Variants in CSNK2A2IP observed in about 807,000 individuals in gnomAD.
CSNK2A2IP encodes the protein casein kinase 2 subunit alpha' interacting protein.
the CSNK2A2IP span, among the ~76,000 whole-genome samples, chr3:88,432,754 A>G: frequency 6.6e-6 from 1 of 150,672 alleles, no homozygotes; most frequent in East Asian, 1.9e-4. Flanking sequence ...AAATGATATT[A>G]TATTATTATA....
chr3:88,439,938 T>C, the CSNK2A2IP span, among the ~76,000 whole-genome samples: 1 of 152,108 alleles, frequency 6.6e-6, no homozygotes, highest in Non-Finnish European at 1.5e-5. Flanking sequence ...TGAGATAGTT[T>C]TGAGAGAGAA....
At chr3:88,430,070 C>A in the CSNK2A2IP span, among the ~76,000 whole-genome samples, 2 of 152,042 alleles carry the variant, frequency 1.3e-5, no homozygotes, top group African/African-American at 4.8e-5. Flanking sequence ...CGAGTAGGAA[C>A]ATTTTTTAAG....
chr3:88,355,092 A>G, the CSNK2A2IP span, among the ~76,000 whole-genome samples: 1 of 152,292 alleles, frequency 6.6e-6, no homozygotes, highest in East Asian at 1.9e-4. Flanking sequence ...GTAAGATACT[A>G]TCTTAAGAGT....
chr3:88,466,248 T>C, the CSNK2A2IP span: 1 of 1,231,712 alleles, frequency 8.1e-7, no homozygotes, highest in Non-Finnish European at 1.0e-6. Context: ...CAGTGTCCCA[T>C]TCAAAAGCAA....
chr3:88,430,987 A>G, the CSNK2A2IP span, among the ~76,000 whole-genome samples: 5 of 152,334 alleles, frequency 3.3e-5, no homozygotes, highest in African/African-American at 9.6e-5. Context: ...ACTAAATGGC[A>G]GAAGATAATA....
chr3:88,418,466 G>A, the CSNK2A2IP span, among the ~76,000 whole-genome samples: 9 of 152,042 alleles, frequency 5.9e-5, no homozygotes, highest in South Asian at 1.7e-3. Flanking sequence ...GTGTGTGTGC[G>A]CGCGGGCGTG....
At chr3:88,400,977 TAGA>T in the CSNK2A2IP span, among the ~76,000 whole-genome samples, 3 of 152,156 alleles carry the variant, frequency 2.0e-5, no homozygotes, top group African/African-American at 7.2e-5. Context: ...AGGGTGTGTG[TAGA>T]AGAATAACAG....
At chr3:88,390,826 G>T in the CSNK2A2IP span, among the ~76,000 whole-genome samples, 1 of 152,262 alleles carries the variant, frequency 6.6e-6, no homozygotes, top group Admixed American at 6.5e-5. Flanking sequence ...TTTTGTTAGT[G>T]TTGCATATGT....
chr3:88,399,605 C>T, the CSNK2A2IP span: 11 of 152,212 alleles, frequency 7.2e-5, no homozygotes, highest in Admixed American at 3.9e-4. Flanking sequence ...AAAACTGATT[C>T]TTCCTGGCAG....
chr3:88,390,778 G>A, the CSNK2A2IP span, among the ~76,000 whole-genome samples: 1 of 152,044 alleles, frequency 6.6e-6, no homozygotes, highest in South Asian at 2.1e-4. Flanking sequence ...TTATTTTAAG[G>A]TCTTGGAAAA....
At chr3:88,466,040 A>G in the CSNK2A2IP span, 2 of 1,231,626 alleles carry the variant, frequency 1.6e-6, no homozygotes, top group South Asian at 4.1e-5. Flanking sequence ...TCATTGGACT[A>G]CCTTTGGACA....
chr3:88,376,704 C>T, the CSNK2A2IP span, among the ~76,000 whole-genome samples: 1 of 151,624 alleles, frequency 6.6e-6, no homozygotes, highest in Non-Finnish European at 1.5e-5. Context: ...CATAGTTTCC[C>T]TCATTCTTTT....
the CSNK2A2IP span, among the ~76,000 whole-genome samples, chr3:88,362,150 T>G: frequency 6.6e-6 from 1 of 152,218 alleles, no homozygotes; most frequent in South Asian, 2.1e-4. Context: ...TGGCTGTTCT[T>G]GGTGCTGGAC....
chr3:88,467,218 T>A, the CSNK2A2IP span: 1 of 400,832 alleles, frequency 2.5e-6, no homozygotes, highest in Admixed American at 4.4e-5. Context: ...TTCCTCCTCC[T>A]CCACCACCTC....
the CSNK2A2IP span, among the ~76,000 whole-genome samples, chr3:88,415,835 C>T: frequency 6.6e-6 from 1 of 151,990 alleles, no homozygotes; most frequent in Non-Finnish European, 1.5e-5. Flanking sequence ...TGAAGAGAAT[C>T]ATTTTGGCAG....
At chr3:88,347,916 C>G in the CSNK2A2IP span, among the ~76,000 whole-genome samples, 1 of 151,740 alleles carries the variant, frequency 6.6e-6, no homozygotes, top group Non-Finnish European at 1.5e-5. Flanking sequence ...TTTGCTTTTC[C>G]CTTTATTCTT....
the CSNK2A2IP span, among the ~76,000 whole-genome samples, chr3:88,407,067 A>C: frequency 2.6e-5 from 4 of 152,162 alleles, no homozygotes; most frequent in African/African-American, 9.7e-5. Flanking sequence ...CAAGTAGACC[A>C]CAAAGCAGAG....
At chr3:88,448,293 T>C in the CSNK2A2IP span, among the ~76,000 whole-genome samples, 3 of 152,246 alleles carry the variant, frequency 2.0e-5, no homozygotes, top group Non-Finnish European at 4.4e-5. Flanking sequence ...TGGCAGAAAG[T>C]CTTGCAATAG....
At chr3:88,372,165 T>A in the CSNK2A2IP span, among the ~76,000 whole-genome samples, 1 of 151,750 alleles carries the variant, frequency 6.6e-6, no homozygotes, top group Non-Finnish European at 1.5e-5. Context: ...TCTATGGCTA[T>A]GTAAAGCCAA....
Sources: gnomAD v4.1 joint callset for allele counts (sites outside exome capture counted in the v4.1 genomes callset) on GRCh38, gnomAD v4.1.1 for gene constraint, MANE v1.5 for transcripts, NCBI Gene and HGNC (gene_info 2026-07-23, HGNC 2026-07-21) for gene names.